The following CHD1L variants were observed in gnomAD, a reference collection of about 807,000 sequenced individuals.
CHD1L encodes the protein chromodomain helicase DNA binding protein 1 like.
In CHD1L, 118 loss-of-function variants were observed where a neutral mutation model predicts 115.9. That is an observed-to-expected ratio of 1.02 (90% CI 0.88 to 1.19). The LOEUF (loss-of-function observed/expected upper bound fraction) is 1.19, where lower values mean the gene tolerates loss of function less well. Ranked by LOEUF, CHD1L falls within the 50% of genes most tolerant of loss-of-function variation. The probability of loss-of-function intolerance (pLI) is 0.00; values close to 1 mark genes in which losing one functional copy is unlikely to be tolerated. For missense variants in CHD1L, 1,179 were observed against 1,065.3 expected (o/e 1.11, Z -1.49); for synonymous variants, 411 against 387.1 (o/e 1.06, Z -0.72).
chr1:147,286,068 G>A (rs1213951707), intron 17 of CHD1L, among the ~76,000 whole-genome samples: 1 of 152,094 alleles, frequency 6.6e-6, no homozygotes, highest in Non-Finnish European at 1.5e-5. Flanking sequence ...ATCTCTTTTA[G>A]TCTTAAAAAC....
chr1:147,235,064 C>T, the CHD1L span, among the ~76,000 whole-genome samples: 3 of 149,868 alleles, frequency 2.0e-5, no homozygotes, highest in African/African-American at 4.9e-5. Context: ...GGTTAGAGCC[C>T]ACCATGGAGT....
chr1:147,260,576 GAACAATT>G (rs1671584962), intron 6 of CHD1L: 1 of 152,042 alleles, frequency 6.6e-6, no homozygotes, highest in African/African-American at 2.4e-5. Context: ...ATCTTCAAAG[GAACAATT>G]TCTCTTAAAA....
chr1:147,243,886 C>G (rs1665746968), intron 1 of CHD1L, among the ~76,000 whole-genome samples: 1 of 152,140 alleles, frequency 6.6e-6, no homozygotes, highest in Non-Finnish European at 1.5e-5. Context: ...GTTTGTCATT[C>G]TAGGAATGAA....
the CHD1L span, among the ~76,000 whole-genome samples, chr1:147,231,218 G>A: frequency 7.5e-4 from 114 of 152,124 alleles, no homozygotes; most frequent in African/African-American, 2.0e-3. Context: ...CTTTGTTCTC[G>A]TTGGTTTCAA....
At chr1:147,204,618 C>G in the CHD1L span, 1 of 1,592,240 alleles carries the variant, frequency 6.3e-7, no homozygotes, top group Non-Finnish European at 8.6e-7. Flanking sequence ...CGGCAAATAC[C>G]AGAACAATGT....
intron 12 of CHD1L, among the ~76,000 whole-genome samples, chr1:147,273,038 T>TA (rs1193738507): frequency 2.0e-5 from 3 of 151,928 alleles, no homozygotes; most frequent in East Asian, 3.9e-4. Context: ...CGTCTCTACT[T>TA]AAAAAAATAC....
chr1:147,238,571 A>G (rs929735823), upstream of CHD1L, among the ~76,000 whole-genome samples: 2 of 152,208 alleles, frequency 1.3e-5, no homozygotes, highest in Non-Finnish European at 2.9e-5. Flanking sequence ...TATAACCTGA[A>G]CAATGAATGA....
intron 1 of CHD1L, among the ~76,000 whole-genome samples, chr1:147,249,982 C>T (rs1667908391): frequency 6.6e-6 from 1 of 152,070 alleles, no homozygotes; most frequent in Non-Finnish European, 1.5e-5. Flanking sequence ...TCACTTCCTT[C>T]CATTCTGCTG....
the CHD1L span, chr1:147,190,096 C>T: frequency 2.3e-6 from 2 of 852,900 alleles, no homozygotes; most frequent in East Asian, 2.6e-5. Context: ...TAACATGAGG[C>T]AGTTAAATAC....
chr1:147,191,894 T>A, the CHD1L span, among the ~76,000 whole-genome samples: 3 of 152,134 alleles, frequency 2.0e-5, no homozygotes, highest in African/African-American at 7.2e-5. Context: ...ACCAGTACCA[T>A]GCTGTTTTGG....
At chr1:147,277,782 A>C (rs761312299) in intron 14 of CHD1L, among the ~76,000 whole-genome samples, 2 of 152,128 alleles carry the variant, frequency 1.3e-5, no homozygotes, top group Admixed American at 6.5e-5. Context: ...TATCCATAGA[A>C]CCTTAAGAGA....
intron 10 of CHD1L, 177 bp from the exon 11 acceptor site, chr1:147,270,755 G>T (rs977655088): frequency 3.5e-6 from 2 of 577,518 alleles, no homozygotes; most frequent in South Asian, 4.0e-5. Flanking sequence ...ACCTGTGGAG[G>T]TGTATTCTCA....
chr1:147,260,168 T>C (rs12751576), intron 6 of CHD1L: 211,365 of 314,658 alleles, frequency 0.67, 71,752 homozygotes, highest in African/African-American at 0.73. Context: ...TCGCTATCAC[T>C]CAAAGTCCAT....
intron 20 of CHD1L, among the ~76,000 whole-genome samples, chr1:147,292,892 A>T (rs1416827146): frequency 3.3e-5 from 5 of 152,238 alleles, no homozygotes; most frequent in Non-Finnish European, 5.9e-5. Flanking sequence ...TTACATCCTA[A>T]CATGAGATTT....
At chr1:147,187,791 T>TA in the CHD1L span, among the ~76,000 whole-genome samples, 728 of 152,314 alleles carry the variant, frequency 4.8e-3, 9 homozygotes, top group African/African-American at 0.016. Context: ...ATGAAATTAT[T>TA]ACACCAAGTG....
At chr1:147,259,591 C>A in intron 5 of CHD1L, 1 of 337,436 alleles carries the variant, frequency 3.0e-6, no homozygotes, top group South Asian at 6.1e-5. Context: ...CTGTCTCTGG[C>A]TTCTTCCTTT....
chr1:147,201,484 G>T, the CHD1L span: 1 of 1,613,610 alleles, frequency 6.2e-7, no homozygotes, highest in Non-Finnish European at 8.5e-7. Flanking sequence ...ATCATTTAAG[G>T]TTGGATGCTG....
intron 12 of CHD1L, among the ~76,000 whole-genome samples, chr1:147,274,615 G>A (rs926637552): frequency 6.4e-5 from 9 of 141,364 alleles, no homozygotes; most frequent in Non-Finnish European, 1.3e-4. Flanking sequence ...GTACCTTCAC[G>A]GTTCTCTTAA....
At chr1:147,242,515 C>A, upstream of CHD1L, 2 of 511,180 alleles carry the variant, frequency 3.9e-6, no homozygotes, top group Non-Finnish European at 6.0e-6. Flanking sequence ...CCACGCTCCG[C>A]ACTGCAAGAA....
Sources: gnomAD v4.1 joint callset for allele counts (sites outside exome capture counted in the v4.1 genomes callset) on GRCh38, gnomAD v4.1.1 for gene constraint, MANE v1.5 for transcripts, NCBI Gene and HGNC (gene_info 2026-07-23, HGNC 2026-07-21) for gene names.